CTNNA3: variants seen among roughly 807,000 people sequenced by gnomAD.
CTNNA3 encodes the protein catenin alpha 3, also known as catenin alpha-3.
CTNNA3 carries 76 observed loss-of-function variants against 95.7 expected under a neutral mutation model. The observed-to-expected ratio is 0.79, with a 90% CI of 0.66 to 0.96. CTNNA3 has a LOEUF of 0.96. Ranked by LOEUF, CTNNA3 falls within the 40% of genes least tolerant of loss-of-function variation. The pLI, the probability that CTNNA3 is intolerant of heterozygous loss-of-function variation, is 0.00. For missense variants in CTNNA3, 1,191 were observed against 1,089.8 expected (o/e 1.09, Z -1.31); for synonymous variants, 431 against 374.4 (o/e 1.15, Z -1.74).
intron 7 of CTNNA3, among the ~76,000 whole-genome samples, chr10:67,114,517 T>A (rs1859071774): frequency 6.6e-6 from 1 of 152,134 alleles, no homozygotes; most frequent in African/African-American, 2.4e-5. Context: ...AGATTTTTTT[T>A]ATTGTTTTTC....
chr10:66,310,097 G>C (rs897218146), intron 12 of CTNNA3, among the ~76,000 whole-genome samples: 1 of 150,636 alleles, frequency 6.6e-6, no homozygotes, highest in Non-Finnish European at 1.5e-5. Context: ...CAGCCTGGGC[G>C]ACAGGGTGAG....
intron 7 of CTNNA3, among the ~76,000 whole-genome samples, chr10:67,117,506 C>G (rs552956244): frequency 1.3e-5 from 2 of 152,014 alleles, no homozygotes; most frequent in South Asian, 4.1e-4. Flanking sequence ...TGTTTCTTTA[C>G]CCTAACATAT....
chr10:67,370,848 T>C (rs912321437), intron 5 of CTNNA3, among the ~76,000 whole-genome samples: 5 of 151,374 alleles, frequency 3.3e-5, no homozygotes, highest in Admixed American at 6.6e-5. Flanking sequence ...ATCCTATACA[T>C]GTTAAGAGGA....
intron 7 of CTNNA3, among the ~76,000 whole-genome samples, chr10:66,936,047 A>T (rs1435671895): frequency 6.6e-6 from 1 of 151,846 alleles, no homozygotes; most frequent in Non-Finnish European, 1.5e-5. Context: ...TGTGGCACCC[A>T]CTCCAGCCTA....
chr10:66,117,527 T>C (rs1156385063), intron 13 of CTNNA3, among the ~76,000 whole-genome samples: 1 of 152,186 alleles, frequency 6.6e-6, no homozygotes, highest in African/African-American at 2.4e-5. Flanking sequence ...TAATGAAAGA[T>C]GAGCTTCAGT....
intron 10 of CTNNA3, among the ~76,000 whole-genome samples, chr10:66,549,565 A>C (rs1842150730): frequency 6.6e-6 from 1 of 152,110 alleles, no homozygotes; most frequent in Non-Finnish European, 1.5e-5. Context: ...TTAAGGTGAA[A>C]TCTTAGGACT....
intron 1 of CTNNA3, chr10:67,750,954 G>A (rs879018035): frequency 1.2e-6 from 2 of 1,605,332 alleles, no homozygotes; most frequent in South Asian, 1.1e-5. Context: ...CCAAGCCAGA[G>A]GACCCTTCCC....
intron 5 of CTNNA3, among the ~76,000 whole-genome samples, chr10:67,350,805 A>G (rs1172485134): frequency 6.6e-6 from 1 of 151,348 alleles, no homozygotes; most frequent in Non-Finnish European, 1.5e-5. Flanking sequence ...TATAAAGTTA[A>G]ACATATATTT....
chr10:67,417,065 T>G (rs529795160), intron 5 of CTNNA3, among the ~76,000 whole-genome samples: 2 of 152,094 alleles, frequency 1.3e-5, no homozygotes, highest in East Asian at 3.9e-4. Context: ...CAATGGTAGA[T>G]TGGATAAAGA....
chr10:66,432,759 C>T (rs2131753212), intron 11 of CTNNA3, among the ~76,000 whole-genome samples: 1 of 152,016 alleles, frequency 6.6e-6, no homozygotes, highest in African/African-American at 2.4e-5. Context: ...CACCCATCAA[C>T]TCATCATCTA....
At chr10:67,176,278 A>G (rs544789101) in intron 7 of CTNNA3, among the ~76,000 whole-genome samples, 6 of 152,342 alleles carry the variant, frequency 3.9e-5, no homozygotes, top group Admixed American at 6.5e-5. Context: ...TAAATGTAGT[A>G]GATGCTTGAA....
At chr10:66,223,920 G>A (rs1007089997) in intron 13 of CTNNA3, among the ~76,000 whole-genome samples, 4 of 152,096 alleles carry the variant, frequency 2.6e-5, no homozygotes, top group African/African-American at 7.2e-5. Context: ...CAAAAGGCTG[G>A]GTGCAGTGGC....
At chr10:66,785,016 T>C (rs1032140882) in intron 7 of CTNNA3, among the ~76,000 whole-genome samples, 4 of 152,188 alleles carry the variant, frequency 2.6e-5, no homozygotes, top group Admixed American at 6.5e-5. Context: ...TTCCAACATT[T>C]GAGCATTTTT....
At chr10:66,246,659 T>TA (rs1181784963) in intron 13 of CTNNA3, among the ~76,000 whole-genome samples, 158 of 147,920 alleles carry the variant, frequency 1.1e-3, no homozygotes, top group African/African-American at 3.1e-3. Flanking sequence ...AGACTGAAAT[T>TA]AAAAAAAAAA....
At chr10:67,274,736 G>A (rs1839125041) in intron 5 of CTNNA3, among the ~76,000 whole-genome samples, 1 of 152,084 alleles carries the variant, frequency 6.6e-6, no homozygotes, top group Non-Finnish European at 1.5e-5. Context: ...GCTGAGATAA[G>A]AGGATTCCTT....
At chr10:65,935,274 G>A (rs182407497) in intron 17 of CTNNA3, among the ~76,000 whole-genome samples, 38 of 152,192 alleles carry the variant, frequency 2.5e-4, no homozygotes, top group Admixed American at 5.9e-4. Context: ...ATGTGTTTTC[G>A]TAGGCTCCTA....
intron 5 of CTNNA3, among the ~76,000 whole-genome samples, chr10:67,310,354 T>C (rs1336401164): frequency 6.6e-6 from 1 of 152,078 alleles, no homozygotes; most frequent in African/African-American, 2.4e-5. Flanking sequence ...ACAAGGAAAG[T>C]AAACAGCACT....
intron 12 of CTNNA3, among the ~76,000 whole-genome samples, chr10:66,317,680 T>TA (rs1423823555): frequency 1.1e-4 from 13 of 119,502 alleles, no homozygotes; most frequent in Admixed American, 7.7e-4. Context: ...CTCAAAAAAT[T>TA]AAAAAAAATT....
At chr10:67,079,067 C>G (rs2131872374) in intron 7 of CTNNA3, among the ~76,000 whole-genome samples, 1 of 152,238 alleles carries the variant, frequency 6.6e-6, no homozygotes, top group Middle Eastern at 3.4e-3. Context: ...AATTTCAAGC[C>G]ACCAATAATT....
Sources: allele counts gnomAD v4.1 joint callset (sites outside exome capture counted in the v4.1 genomes callset), GRCh38; gene constraint gnomAD v4.1.1; transcripts MANE v1.5; gene names NCBI Gene and HGNC (gene_info 2026-07-23, HGNC 2026-07-21).